The following NRXN1 variants were observed in gnomAD, a reference collection of about 807,000 sequenced individuals.
NRXN1 encodes neurexin 1.
In NRXN1, 39 loss-of-function variants were observed where a neutral mutation model predicts 150.9. That is an observed-to-expected ratio of 0.26 (90% CI 0.20 to 0.34). NRXN1 has a LOEUF of 0.34. Among genes scored for constraint, NRXN1 ranks in the 10% least tolerant of loss-of-function variants. The probability of loss-of-function intolerance (pLI) is 1.00; values close to 1 mark genes in which losing one functional copy is unlikely to be tolerated. For synonymous variants in NRXN1, 924 were observed against 757.0 expected, an observed-to-expected ratio of 1.22 and a Z score of -3.62; for missense variants, 1,815 against 1,949.9, an observed-to-expected ratio of 0.93 and a Z score of 1.30.
At chr2:50,982,537 C>A (rs1227742122) in intron 2 of NRXN1, among the ~76,000 whole-genome samples, 4 of 151,910 alleles carry the variant, frequency 2.6e-5, no homozygotes, top group African/African-American at 9.7e-5. Flanking sequence ...GAAGGTGATT[C>A]GTAGATAGGG....
At chr2:50,892,600 C>G (rs1362790335) in intron 5 of NRXN1, among the ~76,000 whole-genome samples, 1 of 152,070 alleles carries the variant, frequency 6.6e-6, no homozygotes, top group East Asian at 1.9e-4. Flanking sequence ...ATTGTCCAAT[C>G]CTTTGAAACT....
intron 18 of NRXN1, among the ~76,000 whole-genome samples, chr2:50,122,150 AAAAAATTCCAT>A (rs1261013533): frequency 1.3e-5 from 2 of 152,226 alleles, no homozygotes; most frequent in Non-Finnish European, 2.9e-5. Context: ...CCCTTCAAAA[AAAAAATTCCAT>A]TTGTTTACCA....
chr2:50,560,404 T>C (rs982405837), intron 8 of NRXN1, among the ~76,000 whole-genome samples: 3 of 145,650 alleles, frequency 2.1e-5, no homozygotes, highest in African/African-American at 7.8e-5. Flanking sequence ...ACAAGCCCTG[T>C]ACAAAGTAGT....
chr2:50,509,118 G>C lies in NRXN1; in HGVS notation c.2375-2501C>G, dbSNP rs371777646. Among the ~76,000 whole-genome samples the C allele has an allele frequency of 3.3e-5, 5 of 152,268 alleles. 1 individual carries two copies. The highest frequency in any genetic ancestry group is 6.8e-3 in the Middle Eastern group (2 of 294). On this transcript the variant is annotated intron_variant, in intron 12 of 22. Coordinates refer to ENST00000401669, the MANE Select transcript of NRXN1 (RefSeq NM_001330078.2). ...AAGGCCTATAAAGCTACAACTACTT[G>C]TCGCCAGGTCACACAGCTAAAAAGT...
At chr2:50,674,770 A>C (rs942487759) in intron 5 of NRXN1, among the ~76,000 whole-genome samples, 1 of 152,062 alleles carries the variant, frequency 6.6e-6, no homozygotes, top group African/African-American at 2.4e-5. Flanking sequence ...GGTGAAAATA[A>C]AGGAAGAAGA....
At chr2:49,936,399 C>A (rs1226061859) in intron 22 of NRXN1, among the ~76,000 whole-genome samples, 2 of 152,192 alleles carry the variant, frequency 1.3e-5, no homozygotes, top group East Asian at 3.9e-4. Flanking sequence ...GCAGTGGGTC[C>A]TCCACCTGTC....
Position 50,029,037 on chromosome 2 carries a change from A to T in NRXN1, c.4128+24234T>A, listed in dbSNP as rs79793012. ...TTCATATGTTGAAACCTAATCCTCA[A>T]TCTGATGTTATTAGGAGGTGAAGTC... is the stretch of plus-strand genomic sequence containing the variant. On this transcript the variant is annotated intron_variant, in intron 21 of 22. Transcript: ENST00000401669. Among the ~76,000 whole-genome samples the T allele has an allele frequency of 6.9e-3, 1,057 of 152,280 alleles. 10 individuals carry two copies. The highest frequency in any genetic ancestry group is 0.024 in the African/African-American group (991 of 41,558).
chr2:50,712,436 T>C (rs943764577), intron 5 of NRXN1, among the ~76,000 whole-genome samples: 1 of 152,212 alleles, frequency 6.6e-6, no homozygotes, highest in Non-Finnish European at 1.5e-5. Flanking sequence ...ATCAGTGTAA[T>C]AGCAGCTCAG....
In NRXN1 at chr2:50,985,947, G is replaced by T. The variant is rs188129648; in HGVS notation, c.772+41555C>A. Among the ~76,000 whole-genome samples the T allele has an allele frequency of 2.9e-4, 44 of 151,634 alleles. 1 individual carries two copies. The highest frequency in any genetic ancestry group is 1.0e-3 in the African/African-American group (43 of 41,494). On this transcript the variant is annotated intron_variant, in intron 2 of 22. Transcript: ENST00000401669. ...TCTACAACTCTCAAAGAAAAAATGAGCAGGGATATAAACAGAAAAACACTA... is the reference window on the plus strand; with the variant it reads ...TCTACAACTCTCAAAGAAAAAATGATCAGGGATATAAACAGAAAAACACTA...
intron 2 of NRXN1, among the ~76,000 whole-genome samples, chr2:50,971,695 C>T (rs1695031124): frequency 6.6e-6 from 1 of 152,018 alleles, no homozygotes; most frequent in Non-Finnish European, 1.5e-5. Context: ...TATATTTTTA[C>T]ACACCTTCAA....
intron 5 of NRXN1, among the ~76,000 whole-genome samples, chr2:50,881,861 A>AGGAGTTAAT (rs2103698465): frequency 6.6e-6 from 1 of 151,940 alleles, no homozygotes; most frequent in African/African-American, 2.4e-5. Flanking sequence ...CTCCTGTCCC[A>AGGAGTTAAT]GGAGTTAATG....
chr2:50,771,079 T>C (rs985138482), intron 5 of NRXN1, among the ~76,000 whole-genome samples: 1 of 152,068 alleles, frequency 6.6e-6, no homozygotes, highest in African/African-American at 2.4e-5. Context: ...GGAAGTGATA[T>C]TCTACTTTAG....
intron 19 of NRXN1, among the ~76,000 whole-genome samples, chr2:50,064,091 G>A (rs568009830): frequency 1.6e-4 from 25 of 152,122 alleles, no homozygotes; most frequent in African/African-American, 5.3e-4. Flanking sequence ...TTGCTTGGAC[G>A]TCAGATTTCC....
At chr2:50,950,702 C>A (rs185103696) in intron 2 of NRXN1, among the ~76,000 whole-genome samples, 4 of 152,222 alleles carry the variant, frequency 2.6e-5, no homozygotes, top group South Asian at 2.1e-4. Flanking sequence ...AACATTATTT[C>A]GGTAACAACA....
intron 8 of NRXN1, among the ~76,000 whole-genome samples, chr2:50,590,149 C>G (rs1255670083): frequency 6.6e-6 from 1 of 152,078 alleles, no homozygotes. Flanking sequence ...GCTACAAAAG[C>G]ATTTTTAGAG....
intron 18 of NRXN1, among the ~76,000 whole-genome samples, chr2:50,129,807 A>C (rs1024241243): frequency 6.6e-6 from 1 of 152,122 alleles, no homozygotes; most frequent in Non-Finnish European, 1.5e-5. Flanking sequence ...ACAACAATAA[A>C]ATTATTTACT....
chr2:50,145,616 T>A (rs568525795), intron 18 of NRXN1, among the ~76,000 whole-genome samples: 41 of 151,784 alleles, frequency 2.7e-4, no homozygotes, highest in Non-Finnish European at 5.5e-4. Flanking sequence ...AGATTCCTTA[T>A]TTTTTAGCTG....
chr2:50,448,514 A>T (rs2086669090), intron 17 of NRXN1, among the ~76,000 whole-genome samples: 3 of 152,212 alleles, frequency 2.0e-5, no homozygotes, highest in African/African-American at 7.2e-5. Context: ...GGTCACTAGG[A>T]AACGTGAAAG....
intron 21 of NRXN1, 114 bp downstream of exon 21, chr2:50,053,155 GCT>G: frequency 1.0e-6 from 1 of 979,738 alleles, no homozygotes; most frequent in Non-Finnish European, 1.6e-6. Context: ...TTCAAAGGAA[GCT>G]GTAGTGCCTA....
Sources: allele counts gnomAD v4.1 joint callset (sites outside exome capture counted in the v4.1 genomes callset), GRCh38; gene constraint gnomAD v4.1.1; transcripts MANE v1.5; gene names NCBI Gene and HGNC (gene_info 2026-07-23, HGNC 2026-07-21).